KIAA0319L: variants seen among roughly 807,000 people sequenced by gnomAD.
KIAA0319L encodes the protein KIAA0319 like, also known as dyslexia-associated protein KIAA0319-like protein.
A neutral mutation model predicts 120.1 loss-of-function variants in KIAA0319L; 55 were observed. The ratio of observed to expected loss-of-function variants is 0.46; its 90% CI spans 0.37 to 0.57. KIAA0319L has a LOEUF of 0.57. Ranked by LOEUF, KIAA0319L falls within the 20% of genes least tolerant of loss-of-function variation. The pLI is 0.00. For missense variants in KIAA0319L, 1,049 were observed against 1,255.3 expected, an observed-to-expected ratio of 0.84 and a Z score of 2.48; for synonymous variants, 398 against 471.9, an observed-to-expected ratio of 0.84 and a Z score of 2.03.
At chr1:35,526,398 T>TACATAC in intron 2 of KIAA0319L, among the ~76,000 whole-genome samples, 1 of 145,250 alleles carries the variant, frequency 6.9e-6, no homozygotes, top group East Asian at 2.0e-4. Flanking sequence ...CATATATATA[T>TACATAC]ATATATATAT....
intron 3 of KIAA0319L, among the ~76,000 whole-genome samples, chr1:35,500,624 A>C (rs1644970582): frequency 6.6e-6 from 1 of 152,200 alleles, no homozygotes; most frequent in Non-Finnish European, 1.5e-5. Context: ...ATTTCTCTCC[A>C]CTTTGGATGC....
intron 2 of KIAA0319L, among the ~76,000 whole-genome samples, chr1:35,528,116 T>G (rs758320312): frequency 5.3e-5 from 8 of 152,182 alleles, no homozygotes; most frequent in Non-Finnish European, 1.2e-4. Flanking sequence ...GGAGACAGGG[T>G]CTAACTCTGT....
chr1:35,493,350 A>G (rs1283302045), intron 3 of KIAA0319L, among the ~76,000 whole-genome samples: 1 of 152,160 alleles, frequency 6.6e-6, no homozygotes, highest in South Asian at 2.1e-4. Flanking sequence ...CCCACTAAAC[A>G]TTTTTTTAAT....
intron 2 of KIAA0319L, among the ~76,000 whole-genome samples, chr1:35,529,404 T>C (rs1186148645): frequency 1.3e-5 from 2 of 152,226 alleles, no homozygotes; most frequent in South Asian, 2.1e-4. Context: ...TATTAGTTAG[T>C]TGTATACTTT....
intron 4 of KIAA0319L, among the ~76,000 whole-genome samples, chr1:35,477,903 C>T (rs933744660): frequency 6.6e-6 from 1 of 152,136 alleles, no homozygotes; most frequent in African/African-American, 2.4e-5. Flanking sequence ...ACTGCTGGGT[C>T]TATACCCAAA....
chr1:35,494,395 G>A (rs1371253859), intron 3 of KIAA0319L, among the ~76,000 whole-genome samples: 2 of 152,108 alleles, frequency 1.3e-5, no homozygotes, highest in African/African-American at 4.8e-5. Flanking sequence ...GTTAAGGTAA[G>A]CCAAGATCGC....
chr1:35,455,825 C>T (rs529338855), intron 10 of KIAA0319L, among the ~76,000 whole-genome samples, 188 bp downstream of exon 10: 102 of 152,034 alleles, frequency 6.7e-4, no homozygotes, highest in South Asian at 2.7e-3. Context: ...ATGATCCGCC[C>T]GCCTCAGCTT....
chr1:35,527,897 T>C (rs957037714), intron 2 of KIAA0319L, among the ~76,000 whole-genome samples: 10 of 149,086 alleles, frequency 6.7e-5, no homozygotes, highest in Non-Finnish European at 1.5e-4. Context: ...ATCTTCATTA[T>C]TTCCTTCCTT....
intron 2 of KIAA0319L, among the ~76,000 whole-genome samples, chr1:35,519,421 T>A (rs1419664246): frequency 2.6e-5 from 4 of 152,246 alleles, no homozygotes; most frequent in Admixed American, 2.6e-4. Flanking sequence ...TCCACTGCTC[T>A]CAAATGTGGA....
chr1:35,500,668 C>G (rs1265546908), intron 3 of KIAA0319L, among the ~76,000 whole-genome samples: 1 of 152,198 alleles, frequency 6.6e-6, no homozygotes, highest in Non-Finnish European at 1.5e-5. Context: ...GAAAACAGCA[C>G]AAACTAGAAA....
intron 7 of KIAA0319L, among the ~76,000 whole-genome samples, chr1:35,465,201 G>A (rs941183109): frequency 9.2e-5 from 14 of 152,284 alleles, no homozygotes; most frequent in East Asian, 7.7e-4. Flanking sequence ...CTATGCACCC[G>A]GAAAAGCCGC....
rs1558311251 is a variant in KIAA0319L, at chr1:35,453,703, A to C, written c.1781-14T>G. 1 of 1,610,912 alleles carries C rather than the reference A, an allele frequency of 6.2e-7. No homozygotes were observed. Among genetic ancestry groups the C allele is most frequent in the Admixed American group, 1.7e-5 (1 of 59,586 alleles). ...GCTTATTGTTTTCTGGAAGACAAAG[A>C]GTTAGAGGTCAAAAGCAGCCAGTCC... On this transcript the variant is annotated splice_polypyrimidine_tract_variant and intron_variant, in intron 11 of 20. Coordinates refer to ENST00000325722, the MANE Select transcript of KIAA0319L (RefSeq NM_024874.5). The surrounding 1 kb of genome is among the most constrained non-coding windows in gnomAD (Gnocchi z 4.1).
At chr1:35,553,674 C>T (rs977865980) in intron 2 of KIAA0319L, among the ~76,000 whole-genome samples, 1 of 151,886 alleles carries the variant, frequency 6.6e-6, no homozygotes, top group African/African-American at 2.4e-5. Context: ...TTTTCTCACA[C>T]TCATACTATG....
At chr1:35,499,899 C>G (rs1644943727) in intron 3 of KIAA0319L, among the ~76,000 whole-genome samples, 1 of 152,110 alleles carries the variant, frequency 6.6e-6, no homozygotes, top group Non-Finnish European at 1.5e-5. Context: ...TGTGGCTGCC[C>G]ACACCCCACA....
At chr1:35,472,692 C>A (rs1025584635) in intron 5 of KIAA0319L, among the ~76,000 whole-genome samples, 2 of 152,032 alleles carry the variant, frequency 1.3e-5, no homozygotes, top group Non-Finnish European at 2.9e-5. Context: ...TGCCTCATCA[C>A]CCCCAACCTT....
intron 16 of KIAA0319L, among the ~76,000 whole-genome samples, chr1:35,446,947 T>C (rs1641668657): frequency 6.6e-6 from 1 of 152,096 alleles, no homozygotes; most frequent in Non-Finnish European, 1.5e-5. Flanking sequence ...AATTCAATCA[T>C]CCATACTGGT....
Position 35,506,665 on chromosome 1 carries a change from T to C in KIAA0319L, c.613A>G (p.Lys205Glu), listed in dbSNP as rs1407672420. ...CCTAATTCGTTGGAGTCATTCACTT[T>C]AGAATGCTGTGTCACTATAGGTGTA... is the stretch of plus-strand genomic sequence containing the variant. ...VVTPIVTQHSKVNDSNELGGL... is the reference protein window; with the variant it reads ...VVTPIVTQHSEVNDSNELGGL... Residue 205 changes from lysine to glutamate, a missense_variant, in exon 3 of 21, where the codon AAA (lysine) becomes GAA (glutamate). Coordinates refer to ENST00000325722, the MANE Select transcript of KIAA0319L (RefSeq NM_024874.5). The surrounding 1 kb of genome is among the most constrained non-coding windows in gnomAD (Gnocchi z 4.0). 1 of 1,614,214 alleles carries C rather than the reference T, an allele frequency of 6.2e-7. No homozygotes were observed. The highest frequency in any genetic ancestry group is 8.5e-7 in the Non-Finnish European group (1 of 1,180,014).
At chr1:35,448,750 T>C (rs2149085770) in intron 15 of KIAA0319L, among the ~76,000 whole-genome samples, 1 of 152,300 alleles carries the variant, frequency 6.6e-6, no homozygotes, top group Middle Eastern at 3.4e-3. Flanking sequence ...TCGCTGTATT[T>C]TGTGCACAAC....
chr1:35,515,911 C>T (rs114364329), intron 2 of KIAA0319L, among the ~76,000 whole-genome samples: 1,708 of 152,116 alleles, frequency 0.011, 42 homozygotes, highest in African/African-American at 0.039. Flanking sequence ...CCATTAGAAG[C>T]TACTTGATCA....
Sources: allele counts gnomAD v4.1 joint callset (sites outside exome capture counted in the v4.1 genomes callset), GRCh38; gene constraint gnomAD v4.1.1; non-coding constraint Gnocchi (gnomAD v3.1); transcripts MANE v1.5; gene names NCBI Gene and HGNC (gene_info 2026-07-23, HGNC 2026-07-21).